The following CLEC17A variants were observed in gnomAD, a reference collection of about 807,000 sequenced individuals.
CLEC17A encodes C-type lectin domain containing 17A.
CLEC17A carries 37 observed loss-of-function variants against 61.3 expected under a neutral mutation model. That is an observed-to-expected ratio of 0.60 (90% CI 0.46 to 0.79). The LOEUF (loss-of-function observed/expected upper bound fraction) is 0.79. Ranked by LOEUF, CLEC17A falls within the 30% of genes least tolerant of loss-of-function variation. The probability of loss-of-function intolerance (pLI) is 0.00; values close to 1 mark genes in which losing one functional copy is unlikely to be tolerated. For synonymous variants in CLEC17A, 168 were observed against 164.9 expected (o/e 1.02, Z -0.14); for missense variants, 418 against 464.7 (o/e 0.90, Z 0.92).
In CLEC17A at chr19:14,611,265, A is replaced by G. The variant is rs1174514026; in HGVS notation, c.*1069A>G. The G allele has an allele frequency of 6.6e-6, 1 of 151,894 alleles. No individual in the cohort carries two copies. The highest frequency in any genetic ancestry group is 2.4e-5 in the African/African-American group (1 of 41,342). 9.4% of individuals were successfully genotyped at this position (151,894 alleles called of 1,614,324 possible). On this transcript the variant is annotated 3_prime_UTR_variant, in exon 14 of 14. Transcript: ENST00000417570. ...GCACAAATAACCCAGAAACCATCAA[A>G]ATTATTTTTGACCAGCAACTTTCTC...
In CLEC17A at chr19:14,611,131, G is replaced by A. The variant is rs1241773346; in HGVS notation, c.*935G>A. The A allele has an allele frequency of 1.3e-5, 2 of 151,522 alleles. No homozygotes were observed. Among genetic ancestry groups the A allele is most frequent in the Non-Finnish European group, 2.9e-5 (2 of 67,994 alleles). The allele number at this position is 151,522 out of a possible 1,614,324, so 9.4% of individuals were successfully genotyped here. ...GGTCTCATGTAGTCCCCACATCATT[G>A]CAAATTACAAACCTAAAAATACAGA... On this transcript the variant is annotated 3_prime_UTR_variant, in exon 14 of 14. Transcript: ENST00000417570.
chr19:14,600,831 T>C (rs187646816), intron 12 of CLEC17A, among the ~76,000 whole-genome samples: 1,804 of 150,732 alleles, frequency 0.012, 33 homozygotes, highest in African/African-American at 0.041. Flanking sequence ...CCTCGTGATC[T>C]GCCCGCCTCG....
rs377095507 is a variant in CLEC17A at position 14,609,837 on chromosome 19, C to CCAAAA, written c.1005-206_1005-202dup. On this transcript the variant is annotated intron_variant, in intron 13 of 13. Transcript: ENST00000417570. ...TCAGCGACAGAGTGAGACTCTGTCT[C>CCAAAA]CAAAACAAAACAAAACAAAACAAAA... is the stretch of plus-strand genomic sequence containing the variant. Among the ~76,000 whole-genome samples, 71 of 140,634 alleles carry CCAAAA rather than the reference C, an allele frequency of 5.0e-4. 1 individual carries two copies. Among genetic ancestry groups the CCAAAA allele is most frequent in the Middle Eastern group, 5.4e-3 (1 of 186 alleles). The allele number at this position is 140,634 out of a possible 152,430, so 92.3% of individuals were successfully genotyped here.
chr19:14,592,571 G>C (rs974711080), intron 4 of CLEC17A, among the ~76,000 whole-genome samples: 1 of 152,188 alleles, frequency 6.6e-6, no homozygotes, highest in Admixed American at 6.5e-5. Flanking sequence ...GAGAGAGGAA[G>C]GGTCAGGAGA....
chr19:14,597,263 A>G (rs1381129129), intron 10 of CLEC17A, 102 bp downstream of exon 10: 4 of 1,065,326 alleles, frequency 3.8e-6, no homozygotes, highest in Non-Finnish European at 5.7e-6. Context: ...TTTGCTGGGC[A>G]CTGTGCTAGG....
At chr19:14,590,280 C>G (rs1306557785) in intron 3 of CLEC17A, among the ~76,000 whole-genome samples, 1 of 151,836 alleles carries the variant, frequency 6.6e-6, no homozygotes, top group Non-Finnish European at 1.5e-5. Flanking sequence ...CTGATGACCT[C>G]GCTACATTAG....
At chr19:14,599,897 T>C (rs940297641) in intron 11 of CLEC17A, 85 bp downstream of exon 11, 3 of 1,488,434 alleles carry the variant, frequency 2.0e-6, no homozygotes, top group Non-Finnish European at 2.8e-6. Context: ...TCATTCTCAG[T>C]GCAGTCTATG....
chr19:14,588,878 A>G (rs1375748158), intron 3 of CLEC17A, among the ~76,000 whole-genome samples: 1 of 152,008 alleles, frequency 6.6e-6, no homozygotes, highest in Non-Finnish European at 1.5e-5. Flanking sequence ...TGGGAGGTCC[A>G]GAAATATGGT....
chr19:14,602,824 C>A (rs890425298), intron 12 of CLEC17A, among the ~76,000 whole-genome samples: 2 of 152,038 alleles, frequency 1.3e-5, no homozygotes, highest in Admixed American at 6.6e-5. Context: ...CAACCTCTGC[C>A]TCCCGAGTTC....
intron 10 of CLEC17A, among the ~76,000 whole-genome samples, chr19:14,598,304 T>TTCTTTCTTTCTC (rs1555746763): frequency 9.9e-4 from 147 of 149,216 alleles, no homozygotes; most frequent in African/African-American, 3.4e-3. Flanking sequence ...TGTTCTTTCT[T>TTCTTTCTTTCTC]TCTCTCTCTC....
chr19:14,587,365 G>A (rs2074310757), intron 2 of CLEC17A, among the ~76,000 whole-genome samples: 1 of 152,108 alleles, frequency 6.6e-6, no homozygotes, highest in Admixed American at 6.6e-5. Context: ...CATCTGAGTA[G>A]GAGAGACAAG....
chr19:14,610,005 A>G (rs2075010004), intron 13 of CLEC17A, 59 bp from the exon 14 acceptor site: 6 of 1,268,356 alleles, frequency 4.7e-6, no homozygotes, highest in Non-Finnish European at 6.9e-6. Context: ...AGTATTATAC[A>G]GAAGAGTTTC....
intron 3 of CLEC17A, among the ~76,000 whole-genome samples, chr19:14,590,333 C>A (rs752120386): frequency 1.5e-4 from 23 of 152,058 alleles, no homozygotes; most frequent in Middle Eastern, 3.4e-3. Flanking sequence ...AGGTTTAGAG[C>A]AGTAATACTT....
chr19:14,604,526 G>A (rs573607071), intron 12 of CLEC17A, among the ~76,000 whole-genome samples: 27 of 151,944 alleles, frequency 1.8e-4, no homozygotes, highest in Non-Finnish European at 3.7e-4. Flanking sequence ...ACTTTGCGAG[G>A]CCGAGGTGGG....
chr19:14,594,614 C>T lies in CLEC17A; in HGVS notation c.311-18C>T. On this transcript the variant is annotated intron_variant, in intron 5 of 13. Transcript: ENST00000417570. ...TTTGCCCTGCTCTGGCCCTGACCAACCATTCCTCCCTCCTCAGCAAAGGAA... is the reference window on the plus strand; with the variant it reads ...TTTGCCCTGCTCTGGCCCTGACCAATCATTCCTCCCTCCTCAGCAAAGGAA... The T allele has an allele frequency of 6.2e-7, 1 of 1,613,866 alleles. No individual in the cohort carries two copies. The highest frequency in any genetic ancestry group is 1.3e-5 in the African/African-American group (1 of 74,994).
chr19:14,594,013 T>G (rs2074486063), intron 4 of CLEC17A, among the ~76,000 whole-genome samples: 1 of 150,860 alleles, frequency 6.6e-6, no homozygotes, highest in African/African-American at 2.5e-5. Flanking sequence ...CCGGGCACGG[T>G]GGCTCAGCCC....
At chr19:14,582,281 C>T (rs1384190484), upstream of CLEC17A, among the ~76,000 whole-genome samples, 1 of 150,018 alleles carries the variant, frequency 6.7e-6, no homozygotes, top group African/African-American at 2.5e-5. Flanking sequence ...GGTGCGATCT[C>T]GGCTCACTGC....
chr19:14,604,062 A>G (rs917089184), intron 12 of CLEC17A, among the ~76,000 whole-genome samples: 4 of 152,122 alleles, frequency 2.6e-5, no homozygotes, highest in Non-Finnish European at 4.4e-5. Context: ...CTTGGGCACA[A>G]GAGATCTTTC....
At chr19:14,588,064 A>C (rs2146672782) in intron 3 of CLEC17A, among the ~76,000 whole-genome samples, 1 of 152,190 alleles carries the variant, frequency 6.6e-6, no homozygotes, top group South Asian at 2.1e-4. Flanking sequence ...GGTGCTTGAG[A>C]AACTGGGAGT....
Sources: gnomAD v4.1 joint callset for allele counts (sites outside exome capture counted in the v4.1 genomes callset) on GRCh38, gnomAD v4.1.1 for gene constraint, MANE v1.5 for transcripts, NCBI Gene and HGNC (gene_info 2026-07-23, HGNC 2026-07-21) for gene names.